Variants in MAD1L1 observed in about 807,000 individuals in gnomAD.
MAD1L1 encodes mitotic arrest deficient 1 like 1, also known as mitotic spindle assembly checkpoint protein MAD1.
MAD1L1 carries 95 observed loss-of-function variants against 96.9 expected under a neutral mutation model. The ratio of observed to expected loss-of-function variants is 0.98; its 90% confidence interval spans 0.83 to 1.16. MAD1L1 has a LOEUF of 1.16. Ranked by LOEUF, MAD1L1 falls within the 50% of genes most tolerant of loss-of-function variation. The probability of loss-of-function intolerance (pLI) is 0.00; values close to 1 mark genes in which losing one functional copy is unlikely to be tolerated. For synonymous variants in MAD1L1, 473 were observed against 396.6 expected (o/e 1.19, Z -2.29); for missense variants, 1,007 against 954.4 (o/e 1.06, Z -0.73).
At chr7:2,004,219 C>T (rs1346705692) in intron 13 of MAD1L1, among the ~76,000 whole-genome samples, 1 of 152,164 alleles carries the variant, frequency 6.6e-6, no homozygotes, top group East Asian at 1.9e-4. Context: ...TCTGAGGTGG[C>T]CTGGGCAGTG....
At chr7:1,864,136 C>G (rs911429599) in intron 18 of MAD1L1, among the ~76,000 whole-genome samples, 1 of 152,186 alleles carries the variant, frequency 6.6e-6, no homozygotes, top group African/African-American at 2.4e-5. Flanking sequence ...GAGGAATTCC[C>G]GCAGCCCGGT....
rs368420889 is a variant in MAD1L1 at position 2,222,722 on chromosome 7, C to T, written c.324G>A (p.Thr108=). ...CCCGCTCCTGAAGCTGCCGGATGCG[C>T]GTCAGGAGCTCCTGGTTGCGGTCGA... is the stretch of plus-strand genomic sequence containing the variant. ...REVDRNQELL[T]RIRQLQEREA... is the part of the protein sequence containing the mutation. Residue 108 remains threonine, a synonymous_variant, in exon 5 of 19, where the codon ACG becomes ACA. Transcript: ENST00000265854. The T allele has an allele frequency of 2.6e-5, 42 of 1,607,762 alleles. No individual in the cohort carries two copies. In the African/African-American group the frequency reaches 5.3e-4, roughly 20 times the overall value.
chr7:1,842,227 C>T (rs1366991407), intron 18 of MAD1L1, among the ~76,000 whole-genome samples: 4 of 152,220 alleles, frequency 2.6e-5, no homozygotes, highest in Non-Finnish European at 4.4e-5. Flanking sequence ...ACTACCATGC[C>T]GGTAATTAAG....
intron 18 of MAD1L1, among the ~76,000 whole-genome samples, chr7:1,856,168 C>T (rs377669696): frequency 3.3e-5 from 5 of 152,228 alleles, no homozygotes; most frequent in African/African-American, 9.6e-5. Context: ...CAAGGCCCCG[C>T]GCCCTCCTGC....
At chr7:2,164,248 G>C (rs1487242992) in intron 10 of MAD1L1, among the ~76,000 whole-genome samples, 1 of 152,210 alleles carries the variant, frequency 6.6e-6, no homozygotes, top group Non-Finnish European at 1.5e-5. Context: ...CTCAGGCACT[G>C]TTCCAGAGTG....
chr7:2,013,386 C>A (rs977711801), intron 13 of MAD1L1, among the ~76,000 whole-genome samples: 4 of 152,276 alleles, frequency 2.6e-5, no homozygotes, highest in Admixed American at 2.0e-4. Context: ...AAAGAGCTCA[C>A]AGAGCTCGGC....
intron 11 of MAD1L1, among the ~76,000 whole-genome samples, chr7:2,115,634 T>G (rs182177992): frequency 6.6e-6 from 1 of 152,236 alleles, no homozygotes; most frequent in East Asian, 1.9e-4. Flanking sequence ...GGAGGCTGGA[T>G]AGAGGCTCCA....
intron 18 of MAD1L1, among the ~76,000 whole-genome samples, chr7:1,862,507 C>T (rs1784581331): frequency 6.6e-6 from 1 of 152,230 alleles, no homozygotes; most frequent in Non-Finnish European, 1.5e-5. Context: ...TCCCTCCCTG[C>T]CTTGCCCCTC....
At chr7:2,051,487 G>A (rs1415921191) in intron 12 of MAD1L1, among the ~76,000 whole-genome samples, 3 of 152,156 alleles carry the variant, frequency 2.0e-5, no homozygotes, top group East Asian at 1.9e-4. Flanking sequence ...GAAGAGCCAC[G>A]TGGCTCAGCA....
chr7:1,870,646 A>G (rs931423407), intron 18 of MAD1L1, among the ~76,000 whole-genome samples: 6 of 120,530 alleles, frequency 5.0e-5, no homozygotes, highest in Non-Finnish European at 1.0e-4. Flanking sequence ...GCTGAACCCA[A>G]CATATGCCTG....
intron 10 of MAD1L1, among the ~76,000 whole-genome samples, chr7:2,210,880 C>A (rs938893949): frequency 8.5e-6 from 1 of 117,096 alleles, no homozygotes; most frequent in African/African-American, 6.6e-5. Context: ...CTCGCACCAG[C>A]CCCTCTCCAA....
rs1459626616 is a variant in MAD1L1, at chr7:2,225,555, G to C, written c.151-5C>G. ...CTGCTCTGCTCTTTCCTCCAGCTGA[G>C]CAGGTCGCACCCAAAGAAAAACAGA... is the stretch of plus-strand genomic sequence containing the variant. On this transcript the variant is annotated splice_polypyrimidine_tract_variant and splice_region_variant and intron_variant, in intron 3 of 18. Transcript: ENST00000265854. The C allele has an allele frequency of 3.1e-6, 5 of 1,612,908 alleles. No homozygotes were observed. The African/African-American group carries it at 4.0e-5, about 13-fold the overall frequency.
At chr7:1,910,352 G>A (rs571772654) in intron 17 of MAD1L1, among the ~76,000 whole-genome samples, 2 of 152,350 alleles carry the variant, frequency 1.3e-5, no homozygotes, top group African/African-American at 4.8e-5. Flanking sequence ...GCCTGCAGGA[G>A]GCCAGAATCC....
intron 18 of MAD1L1, among the ~76,000 whole-genome samples, chr7:1,882,278 T>C (rs536828036): frequency 5.5e-4 from 83 of 152,290 alleles, no homozygotes; most frequent in African/African-American, 1.7e-3. Context: ...AACATAGTGC[T>C]TGGACATCCT....
rs776944096 is a variant in MAD1L1 at position 2,002,124 on chromosome 7, GCAAGA to G, written c.1360-8_1360-4del. On this transcript the variant is annotated splice_region_variant and splice_polypyrimidine_tract_variant and intron_variant, in intron 13 of 18. Transcript: ENST00000265854. ...TCCAGGGCCTGCGACAGCTGAGCCT[GCAAGA>G]CAAGACAGGATTCGGCCTGAGACTG... 4 of 1,612,860 alleles carry G rather than the reference GCAAGA, an allele frequency of 2.5e-6. No individual in the cohort carries two copies. Among genetic ancestry groups the G allele is most frequent in the Non-Finnish European group, 3.4e-6 (4 of 1,179,962 alleles).
intron 11 of MAD1L1, among the ~76,000 whole-genome samples, chr7:2,102,192 ATCACCACCGTCACCG>A (rs1312504335): frequency 7.0e-6 from 1 of 143,450 alleles, no homozygotes; most frequent in South Asian, 2.3e-4. Context: ...CACAACCACC[ATCACCACCGTCACCG>A]TCACCACCGC....
chr7:2,201,489 A>G (rs1417881794), intron 10 of MAD1L1, among the ~76,000 whole-genome samples: 1 of 152,162 alleles, frequency 6.6e-6, no homozygotes, highest in Non-Finnish European at 1.5e-5. Context: ...CAGCCCAGAT[A>G]CCACCAGGGA....
chr7:2,189,333 C>A (rs960955894), intron 10 of MAD1L1, among the ~76,000 whole-genome samples: 1 of 152,236 alleles, frequency 6.6e-6, no homozygotes, highest in Non-Finnish European at 1.5e-5. Flanking sequence ...TAAGAGATAT[C>A]TGCCCGCTCG....
chr7:2,006,229 T>G (rs1164856759), intron 13 of MAD1L1, among the ~76,000 whole-genome samples: 1 of 151,818 alleles, frequency 6.6e-6, no homozygotes, highest in Non-Finnish European at 1.5e-5. Context: ...CACACACTGC[T>G]GTCTGCAGCT....
Sources: gnomAD v4.1 joint callset for allele counts (sites outside exome capture counted in the v4.1 genomes callset) on GRCh38, gnomAD v4.1.1 for gene constraint, MANE v1.5 for transcripts, NCBI Gene and HGNC (gene_info 2026-07-23, HGNC 2026-07-21) for gene names.